Variants in HTRA4 observed in about 807,000 individuals in gnomAD.
HTRA4 encodes serine protease HTRA4.
In HTRA4, 46 loss-of-function variants were observed where a neutral mutation model predicts 49.1. The observed-to-expected ratio is 0.94, with a 90% CI of 0.74 to 1.20. The LOEUF (loss-of-function observed/expected upper bound fraction) is 1.20, where lower values mean the gene tolerates loss of function less well. Ranked by LOEUF, HTRA4 falls within the 50% of genes most tolerant of loss-of-function variation. The pLI is 0.00. For missense variants in HTRA4, 602 were observed against 636.9 expected, an observed-to-expected ratio of 0.95 and a Z score of 0.59; for synonymous variants, 261 against 264.0, an observed-to-expected ratio of 0.99 and a Z score of 0.11.
chr8:38,976,677 GA>G lies in HTRA4; in HGVS notation c.711del (p.Ala238LeufsTer14), dbSNP rs1564175322. 1.2e-6 allele frequency: 2 copies of G among 1,614,202 alleles called. No homozygotes were observed. The highest frequency in any genetic ancestry group is 4.5e-5 in the East Asian group (2 of 44,874). ...GGTGCTCCAGAATGGGGCCCGTTAT[GA>G]AGCTGTTGTCAAGGATATTGACCTT... ...EVVLQNGARY[E>X]AVVKDIDLKL... On this transcript the variant is annotated frameshift_variant, in exon 3 of 9. Transcript: ENST00000302495. LOFTEE classifies it high-confidence loss of function.
chr8:38,986,683 A>C (rs921784039), intron 8 of HTRA4, among the ~76,000 whole-genome samples: 3 of 152,246 alleles, frequency 2.0e-5, no homozygotes, highest in Non-Finnish European at 4.4e-5. Context: ...GAACGCAGTA[A>C]ATCAGAGAGC....
At chr8:38,981,973 G>A (rs111979509) in intron 6 of HTRA4, among the ~76,000 whole-genome samples, 1 of 151,920 alleles carries the variant, frequency 6.6e-6, no homozygotes, top group Non-Finnish European at 1.5e-5. Context: ...TCAGCCTTCC[G>A]AGTAGCTGGG....
intron 7 of HTRA4, 116 bp from the exon 8 acceptor site, chr8:38,982,837 A>G (rs117764763): frequency 3.2e-4 from 228 of 702,192 alleles, no homozygotes; most frequent in Admixed American, 5.1e-4. Context: ...GCTTGATGGA[A>G]TCTTCCTCGG....
At position 38,976,630 on chromosome 8, in the gene HTRA4, G is replaced by C; in HGVS notation, c.662G>C (p.Arg221Thr). The C allele has an allele frequency of 6.2e-7, 1 of 1,614,182 alleles. No homozygotes were observed. The highest frequency in any genetic ancestry group is 8.5e-7 in the Non-Finnish European group (1 of 1,180,036). ...ATTATTACCAATGCCCATGTTGTCA[G>C]GAACCAGCAGTGGATTGAGGTGGTG... ...GLIITNAHVVRNQQWIEVVLQ... is the reference protein window; with the variant it reads ...GLIITNAHVVTNQQWIEVVLQ... The change falls in exon 3 of 9, where the codon AGG becomes ACG. Residue 221 changes from arginine to threonine, a missense_variant. Transcript: ENST00000302495.
chr8:38,977,667 T>G (rs976761562), intron 3 of HTRA4, among the ~76,000 whole-genome samples: 2 of 152,216 alleles, frequency 1.3e-5, no homozygotes, highest in Non-Finnish European at 2.9e-5. Context: ...TGTTCATCAG[T>G]GACTTCACTG....
In HTRA4 at chr8:38,974,254, A is replaced by G; in HGVS notation, c.-10A>G. On this transcript the variant is annotated 5_prime_UTR_variant, in exon 1 of 9. Coordinates refer to ENST00000302495, the MANE Select transcript of HTRA4 (RefSeq NM_153692.4). ...AAGTCACTGAAGAGTGGAAGCGAGG[A>G]AGGAACAGGATGATTAGACCTCAGC... is the stretch of plus-strand genomic sequence containing the variant. 6.2e-7 allele frequency: 1 copy of G among 1,612,304 alleles called. No individual in the cohort carries two copies. Among genetic ancestry groups the G allele is most frequent in the Non-Finnish European group, 8.5e-7 (1 of 1,179,408 alleles).
At chr8:38,982,394 A>T in intron 6 of HTRA4, 104 bp from the exon 7 acceptor site, 1 of 966,212 alleles carries the variant, frequency 1.0e-6, no homozygotes, top group South Asian at 1.4e-5. Flanking sequence ...GGTAACCTGA[A>T]AGGACAGCTG....
intron 5 of HTRA4, among the ~76,000 whole-genome samples, chr8:38,981,126 C>T (rs1222429235): frequency 2.3e-5 from 3 of 132,236 alleles, no homozygotes; most frequent in Non-Finnish European, 4.6e-5. Flanking sequence ...GTCGCCCAGG[C>T]CGGAGTGCAG....
chr8:38,978,470 G>A (rs1312992794), intron 4 of HTRA4, among the ~76,000 whole-genome samples: 1 of 152,156 alleles, frequency 6.6e-6, no homozygotes, highest in Non-Finnish European at 1.5e-5. Context: ...GCCGGTCCCT[G>A]TGCCAAAAAG....
At position 38,987,978 on chromosome 8, in the gene HTRA4, G is replaced by A. The variant is rs1423814597; in HGVS notation, c.1311G>A (p.Gly437=). Residue 437 remains glycine, a synonymous_variant, in exon 9 of 9, where the codon GGG becomes GGA. Coordinates refer to ENST00000302495, the MANE Select transcript of HTRA4 (RefSeq NM_153692.4). ...RDHDVIVNIN[G]KPITTTTDVV... Reference sequence around the variant, plus strand: ...ACGATGTAATTGTCAACATAAATGGGAAACCTATTACTACTACAACTGATG... The same window carrying A: ...ACGATGTAATTGTCAACATAAATGGAAAACCTATTACTACTACAACTGATG... 2 of 1,606,200 alleles carry A rather than the reference G, an allele frequency of 1.2e-6. No homozygotes were observed. Among genetic ancestry groups the A allele is most frequent in the Non-Finnish European group, 1.7e-6 (2 of 1,177,858 alleles).
chr8:38,981,827 A>C (rs1327520750), intron 6 of HTRA4, 60 bp downstream of exon 6: 7 of 1,212,238 alleles, frequency 5.8e-6, no homozygotes, highest in Non-Finnish European at 8.4e-6. Flanking sequence ...AGGAACACTC[A>C]ATCTTTTGTG....
intron 5 of HTRA4, among the ~76,000 whole-genome samples, chr8:38,979,460 C>T (rs1254441568): frequency 1.3e-5 from 2 of 152,164 alleles, no homozygotes; most frequent in Non-Finnish European, 2.9e-5. Context: ...TTCCATGATG[C>T]AGACTTGGGT....
Position 38,977,951 on chromosome 8 carries a change from A to C in HTRA4, c.772-2A>C. On this transcript the variant is annotated splice_acceptor_variant, in intron 3 of 8. Coordinates refer to ENST00000302495, the MANE Select transcript of HTRA4 (RefSeq NM_153692.4). LOFTEE classifies it high-confidence loss of function. ...TCCCCATCCCTTTTTGGGCACGTGC[A>C]GGCTGAACTTCCTGTACTGATGCTG... 1 of 1,613,150 alleles carries C rather than the reference A, an allele frequency of 6.2e-7. No individual in the cohort carries two copies. Among genetic ancestry groups the C allele is most frequent in the Non-Finnish European group, 8.5e-7 (1 of 1,179,764 alleles).
intron 8 of HTRA4, among the ~76,000 whole-genome samples, chr8:38,986,236 C>G (rs1028288922): frequency 4.6e-5 from 7 of 152,140 alleles, no homozygotes. Flanking sequence ...CTGGCACTTA[C>G]AAAACTTTTA....
At chr8:38,985,305 C>T (rs1403430198) in intron 8 of HTRA4, among the ~76,000 whole-genome samples, 2 of 152,052 alleles carry the variant, frequency 1.3e-5, no homozygotes, top group African/African-American at 2.4e-5. Context: ...GCACTACAGG[C>T]GTGTGCCACC....
chr8:38,981,951 G>A (rs1433577716), intron 6 of HTRA4, among the ~76,000 whole-genome samples, 184 bp downstream of exon 6: 4 of 151,966 alleles, frequency 2.6e-5, no homozygotes, highest in South Asian at 2.1e-4. Context: ...GGGTTCAAGC[G>A]ATTCTCCTGC....
chr8:38,974,445 C>G lies in HTRA4; in HGVS notation c.182C>G (p.Pro61Arg), dbSNP rs555804500. ...CCCACCTGCGCGCTGGGGACCACGC[C>G]GGTGTTCGACCTGTGCCGCTGTTGC... ...ALPTCALGTTPVFDLCRCCRV... is the reference protein window; with the variant it reads ...ALPTCALGTTRVFDLCRCCRV... The change falls in exon 1 of 9, where the codon CCG (proline) becomes CGG (arginine). Residue 61 changes from proline (P) to arginine (R), a missense_variant. Pro to Arg is a moderately radical substitution (Grantham distance 103). Coordinates refer to ENST00000302495, the MANE Select transcript of HTRA4 (RefSeq NM_153692.4). 1.3e-6 allele frequency: 2 copies of G among 1,542,622 alleles called. No individual in the cohort carries two copies. Among genetic ancestry groups the G allele is most frequent in the African/African-American group, 1.4e-5 (1 of 73,164 alleles).
At position 38,975,079 on chromosome 8, in the gene HTRA4, CGGT is replaced by C; in HGVS notation, c.521_523del (p.Val174del). ...AGGAGGAATTACAACTTCATCGCCG[CGGT>C]GGTGGAGAAGGTGGCGCCATCGGTG... On this transcript the variant is annotated inframe_deletion, in exon 2 of 9. Transcript: ENST00000302495. 6.2e-7 allele frequency: 1 copy of C among 1,613,990 alleles called. No individual in the cohort carries two copies. Among genetic ancestry groups the C allele is most frequent in the South Asian group, 1.1e-5 (1 of 91,082 alleles).
Position 38,981,750 on chromosome 8 carries a change from A to G in HTRA4, c.1097A>G (p.His366Arg). ...GTTAGGCAGTTCTTGGCAGAATACC[A>G]TGAGCACCAGATGAAAGGTAAAGCA... ...DRVRQFLAEY[H>R]EHQMKGKAFS... The change falls in exon 6 of 9, where the codon CAT becomes CGT. Residue 366 changes from histidine to arginine, a missense_variant. Physicochemically the swap from His to Arg is conservative, Grantham distance 29 (BLOSUM62 0). Coordinates refer to ENST00000302495, the MANE Select transcript of HTRA4 (RefSeq NM_153692.4). 1 of 1,611,328 alleles carries G rather than the reference A, an allele frequency of 6.2e-7. No homozygotes were observed. Among genetic ancestry groups the G allele is most frequent in the Non-Finnish European group, 8.5e-7 (1 of 1,178,224 alleles).
Sources: allele counts gnomAD v4.1 joint callset (sites outside exome capture counted in the v4.1 genomes callset), GRCh38; gene constraint gnomAD v4.1.1; transcripts MANE v1.5; gene names NCBI Gene and HGNC (gene_info 2026-07-23, HGNC 2026-07-21).